The following FSTL5 variants were observed in gnomAD, a reference collection of about 807,000 sequenced individuals.
FSTL5 encodes follistatin like 5, also known as follistatin-related protein 5.
Under a neutral mutation model 89.1 loss-of-function variants are expected in FSTL5, and 62 were observed. The ratio of observed to expected loss-of-function variants is 0.70; its 90% CI spans 0.57 to 0.86. The LOEUF is 0.86. FSTL5 is among the 40% of genes least tolerant of loss of function. The pLI is 0.00. For synonymous variants in FSTL5, 383 were observed against 346.2 expected, an observed-to-expected ratio of 1.11 and a Z score of -1.18; for missense variants, 1,057 against 1,001.6, an observed-to-expected ratio of 1.06 and a Z score of -0.75.
intron 6 of FSTL5, among the ~76,000 whole-genome samples, chr4:161,733,982 TTC>T (rs1739704084): frequency 6.6e-6 from 1 of 152,016 alleles, no homozygotes; most frequent in Non-Finnish European, 1.5e-5. Flanking sequence ...CAGAATTTTT[TTC>T]TTTCTTCATT....
intron 1 of FSTL5, among the ~76,000 whole-genome samples, chr4:162,143,734 AC>A (rs1732842232): frequency 7.6e-6 from 1 of 131,874 alleles, no homozygotes; most frequent in African/African-American, 2.9e-5. Context: ...ACACACACAC[AC>A]ACACACACAC....
chr4:162,149,104 A>G (rs769152717), intron 1 of FSTL5, among the ~76,000 whole-genome samples: 7 of 152,194 alleles, frequency 4.6e-5, no homozygotes, highest in Non-Finnish European at 8.8e-5. Context: ...AATTGTTTTG[A>G]AAACACTCCC....
chr4:161,764,806 G>A (rs191731282), intron 5 of FSTL5, among the ~76,000 whole-genome samples: 2 of 152,188 alleles, frequency 1.3e-5, no homozygotes, highest in Admixed American at 6.5e-5. Flanking sequence ...AATGCATCTT[G>A]ACCATCTAAA....
chr4:161,930,974 T>C (rs1313203243), intron 3 of FSTL5, among the ~76,000 whole-genome samples: 2 of 151,760 alleles, frequency 1.3e-5, no homozygotes, highest in Non-Finnish European at 2.9e-5. Flanking sequence ...TATACCACTA[T>C]GATAAAAGAA....
At chr4:161,687,727 T>C (rs1160142977) in intron 6 of FSTL5, among the ~76,000 whole-genome samples, 1 of 152,176 alleles carries the variant, frequency 6.6e-6, no homozygotes, top group Non-Finnish European at 1.5e-5. Flanking sequence ...AACAGAGTGA[T>C]CTCTCAGTAT....
chr4:161,861,411 G>A (rs72691243), intron 4 of FSTL5, among the ~76,000 whole-genome samples: 11,743 of 151,582 alleles, frequency 0.077, 582 homozygotes, highest in East Asian at 0.16. Context: ...GTGAGACTCC[G>A]TCTTCAAAGA....
intron 6 of FSTL5, among the ~76,000 whole-genome samples, chr4:161,674,218 C>T (rs1027047065): frequency 1.3e-5 from 2 of 151,710 alleles, no homozygotes; most frequent in Non-Finnish European, 2.9e-5. Context: ...CAAATATATA[C>T]ACATATATGT....
chr4:161,404,662 T>C (rs1297672493), intron 15 of FSTL5, among the ~76,000 whole-genome samples: 2 of 149,678 alleles, frequency 1.3e-5, no homozygotes, highest in East Asian at 3.9e-4. Context: ...TGACAGTACG[T>C]AACAATAAAA....
chr4:161,635,776 T>A (rs1560760832), intron 7 of FSTL5, among the ~76,000 whole-genome samples: 1 of 152,194 alleles, frequency 6.6e-6, no homozygotes, highest in Non-Finnish European at 1.5e-5. Context: ...ATGTTATATA[T>A]CATGATAATG....
At chr4:161,560,619 T>C (rs1732561454) in intron 8 of FSTL5, among the ~76,000 whole-genome samples, 1 of 151,880 alleles carries the variant, frequency 6.6e-6, no homozygotes, top group South Asian at 2.1e-4. Flanking sequence ...TTTAAACATT[T>C]TTGTTAAAAA....
At chr4:161,496,098 G>C (rs1271638443) in intron 12 of FSTL5, among the ~76,000 whole-genome samples, 6 of 152,150 alleles carry the variant, frequency 3.9e-5, no homozygotes, top group Admixed American at 1.3e-4. Context: ...AAGGTGGAGA[G>C]AGAATTAGAT....
At chr4:161,783,112 A>G (rs575084147) in intron 4 of FSTL5, among the ~76,000 whole-genome samples, 2 of 152,328 alleles carry the variant, frequency 1.3e-5, no homozygotes, top group South Asian at 4.1e-4. Flanking sequence ...GGTGAAATTG[A>G]TGATATGGAA....
chr4:161,960,471 C>T lies in FSTL5; in HGVS notation c.161-39819G>A, dbSNP rs528091055. On this transcript the variant is annotated intron_variant, in intron 3 of 15. Coordinates refer to ENST00000306100, the MANE Select transcript of FSTL5 (RefSeq NM_020116.5). ...GTGCTGGGATTACAGGTGTGAGCCA[C>T]CACGCCTGGCCATTTTAATATAATT... is the stretch of plus-strand genomic sequence containing the variant. Among the ~76,000 whole-genome samples the T allele has an allele frequency of 2.3e-4, 35 of 151,968 alleles. No individual in the cohort carries two copies. In the East Asian group the frequency reaches 6.8e-3, roughly 29 times the overall value.
intron 2 of FSTL5, among the ~76,000 whole-genome samples, chr4:162,090,827 G>A (rs978015269): frequency 4.0e-5 from 6 of 151,186 alleles, no homozygotes; most frequent in East Asian, 1.9e-4. Flanking sequence ...ACACACACAC[G>A]AGATACCATC....
intron 4 of FSTL5, among the ~76,000 whole-genome samples, chr4:161,861,294 G>C (rs1385143447): frequency 1.3e-5 from 2 of 152,106 alleles, no homozygotes; most frequent in Non-Finnish European, 2.9e-5. Flanking sequence ...ATGGTGGTGC[G>C]TGCCGCAATC....
intron 6 of FSTL5, among the ~76,000 whole-genome samples, chr4:161,707,635 G>T (rs1444898404): frequency 1.3e-5 from 2 of 151,664 alleles, no homozygotes; most frequent in African/African-American, 4.8e-5. Context: ...TGCTATTTTA[G>T]TATTATTCTG....
chr4:161,761,367 G>A (rs527333043), intron 5 of FSTL5, among the ~76,000 whole-genome samples: 5 of 152,222 alleles, frequency 3.3e-5, no homozygotes, highest in Admixed American at 6.5e-5. Context: ...TTTCCTGGGG[G>A]CTGGGAGAAG....
chr4:161,441,697 C>G (rs978929400), intron 15 of FSTL5, among the ~76,000 whole-genome samples: 1 of 152,030 alleles, frequency 6.6e-6, no homozygotes, highest in African/African-American at 2.4e-5. Context: ...TCTCTAAACC[C>G]TAGAAGAATT....
intron 4 of FSTL5, among the ~76,000 whole-genome samples, chr4:161,894,671 G>C (rs1733099115): frequency 6.6e-6 from 1 of 151,932 alleles, no homozygotes; most frequent in African/African-American, 2.4e-5. Context: ...TAGCGATGAG[G>C]GTTCTCCATG....
Sources: allele counts gnomAD v4.1 joint callset (sites outside exome capture counted in the v4.1 genomes callset), GRCh38; gene constraint gnomAD v4.1.1; transcripts MANE v1.5; gene names NCBI Gene and HGNC (gene_info 2026-07-23, HGNC 2026-07-21).